Variants in PPP6R3 observed in about 807,000 individuals in gnomAD.
PPP6R3 encodes the protein serine/threonine-protein phosphatase 6 regulatory subunit 3.
In PPP6R3, 38 loss-of-function variants were observed where a neutral mutation model predicts 110.7. The ratio of observed to expected loss-of-function variants is 0.34; its 90% CI spans 0.26 to 0.45. The LOEUF (loss-of-function observed/expected upper bound fraction) is 0.45. Among genes scored for constraint, PPP6R3 ranks in the 20% least tolerant of loss-of-function variants. PPP6R3 has a pLI of 1.00. For missense variants in PPP6R3, 870 were observed against 1,062.4 expected (o/e 0.82, Z 2.52); for synonymous variants, 369 against 373.5 (o/e 0.99, Z 0.14).
intron 2 of PPP6R3, among the ~76,000 whole-genome samples, chr11:68,531,976 C>T (rs532215134): frequency 7.9e-5 from 12 of 152,212 alleles, no homozygotes; most frequent in African/African-American, 2.6e-4. Flanking sequence ...TAGTTGGACC[C>T]CTATTGAATA....
In PPP6R3 at chr11:68,478,560, G is replaced by A. The variant is rs542434170; in HGVS notation, c.-158+17733G>A. On this transcript the variant is annotated intron_variant, in intron 1 of 23. Transcript: ENST00000393800. ...TTTCAAGCTCTTTTGTGGCCTTAAC[G>A]TTTTAGGCGTGCCTTTTGAAAGCCA... 6.1e-5 allele frequency among the ~76,000 whole-genome samples: 9 copies of A among 147,362 alleles called. No homozygotes were observed. The South Asian group carries it at 1.1e-3, about 17-fold the overall frequency.
At chr11:68,465,102 G>A (rs992232952) in intron 1 of PPP6R3, among the ~76,000 whole-genome samples, 8 of 152,054 alleles carry the variant, frequency 5.3e-5, no homozygotes, top group Non-Finnish European at 7.4e-5. Flanking sequence ...GGCTGGTCCC[G>A]ATCTCCTGAC....
At chr11:68,493,608 A>AC (rs1565396355) in intron 1 of PPP6R3, among the ~76,000 whole-genome samples, 1 of 117,134 alleles carries the variant, frequency 8.5e-6, no homozygotes, top group East Asian at 2.2e-4. Flanking sequence ...AAAAAAAAAA[A>AC]ACAAAACCAT....
intron 1 of PPP6R3, among the ~76,000 whole-genome samples, chr11:68,508,021 CAT>C (rs1272897433): frequency 1.4e-5 from 2 of 142,524 alleles, no homozygotes; most frequent in Non-Finnish European, 3.0e-5. Context: ...GCCTGGGCAA[CAT>C]AGCAACACCT....
intron 1 of PPP6R3, among the ~76,000 whole-genome samples, chr11:68,494,142 T>A (rs1367884186): frequency 6.7e-6 from 1 of 150,124 alleles, no homozygotes; most frequent in Non-Finnish European, 1.5e-5. Context: ...GATAATTAGA[T>A]TTTTTTTGTA....
intron 5 of PPP6R3, 54 bp downstream of exon 5, chr11:68,548,258 C>T: frequency 6.3e-7 from 1 of 1,597,928 alleles, no homozygotes; most frequent in Non-Finnish European, 8.5e-7. Flanking sequence ...GGCATGTGAG[C>T]CCACCAGGCT....
chr11:68,587,693 AGT>A (rs2099583158), intron 15 of PPP6R3: 1 of 584,850 alleles, frequency 1.7e-6, no homozygotes, highest in Non-Finnish European at 3.1e-6. Flanking sequence ...GTGGTCACAT[AGT>A]GTTTCTTACA....
chr11:68,486,558 T>C (rs2098948626), intron 1 of PPP6R3, among the ~76,000 whole-genome samples: 1 of 137,076 alleles, frequency 7.3e-6, no homozygotes, highest in African/African-American at 2.8e-5. Context: ...TGAGCTGAGA[T>C]CACGCCCTGC....
At chr11:68,496,166 G>GTT (rs1338930112) in intron 1 of PPP6R3, among the ~76,000 whole-genome samples, 1 of 147,458 alleles carries the variant, frequency 6.8e-6, no homozygotes, top group Non-Finnish European at 1.5e-5. Context: ...ATTTTTTTGT[G>GTT]TTTTTCTTTT....
intron 2 of PPP6R3, among the ~76,000 whole-genome samples, chr11:68,533,961 C>T (rs533509092): frequency 1.3e-5 from 2 of 152,222 alleles, no homozygotes; most frequent in South Asian, 4.1e-4. Flanking sequence ...GGCTTTCTTC[C>T]ATATAGTGAT....
chr11:68,539,453 G>T (rs779811684), intron 3 of PPP6R3, among the ~76,000 whole-genome samples: 2 of 152,198 alleles, frequency 1.3e-5, no homozygotes, highest in Non-Finnish European at 2.9e-5. Context: ...TGCCTTTGAG[G>T]TTGCAAGAGC....
chr11:68,476,542 A>G (rs2098834125), intron 1 of PPP6R3, among the ~76,000 whole-genome samples: 1 of 152,230 alleles, frequency 6.6e-6, no homozygotes, highest in Non-Finnish European at 1.5e-5. Context: ...CTTTTTATAT[A>G]CTTATATGTA....
intron 14 of PPP6R3, among the ~76,000 whole-genome samples, chr11:68,582,038 G>T (rs966267061): frequency 6.6e-6 from 1 of 152,162 alleles, no homozygotes; most frequent in Non-Finnish European, 1.5e-5. Flanking sequence ...TCTACTGTGG[G>T]TTTATTGAAC....
intron 1 of PPP6R3, among the ~76,000 whole-genome samples, chr11:68,490,567 A>G (rs144079615): frequency 6.6e-6 from 1 of 151,632 alleles, no homozygotes; most frequent in African/African-American, 2.4e-5. Context: ...TTTTTTCCAG[A>G]TATTACCATC....
chr11:68,527,334 T>G (rs1372804735), intron 2 of PPP6R3, among the ~76,000 whole-genome samples: 1 of 152,182 alleles, frequency 6.6e-6, no homozygotes. Flanking sequence ...GTCTTTCACA[T>G]TGTTGACAGT....
chr11:68,468,140 A>G (rs2098761784), intron 1 of PPP6R3, among the ~76,000 whole-genome samples: 1 of 152,230 alleles, frequency 6.6e-6, no homozygotes, highest in Non-Finnish European at 1.5e-5. Context: ...GAGAAATCTC[A>G]GCCCCGGTGA....
At chr11:68,570,381 G>T (rs1158617958) in intron 11 of PPP6R3, among the ~76,000 whole-genome samples, 2 of 152,026 alleles carry the variant, frequency 1.3e-5, no homozygotes, top group African/African-American at 4.8e-5. Context: ...ATTTTTTCTT[G>T]CTTGGTAGTT....
intron 8 of PPP6R3, among the ~76,000 whole-genome samples, chr11:68,562,032 A>G (rs1257141537): frequency 7.1e-6 from 1 of 140,922 alleles, no homozygotes; most frequent in Non-Finnish European, 1.6e-5. Context: ...GTCTTTGTAG[A>G]ATATCCTAAA....
intron 15 of PPP6R3, chr11:68,587,305 A>T (rs976695715): frequency 6.6e-6 from 1 of 152,398 alleles, no homozygotes; most frequent in African/African-American, 2.4e-5. Flanking sequence ...GTGATTTTGG[A>T]TAAATAGTCA....
Sources: gnomAD v4.1 joint callset for allele counts (sites outside exome capture counted in the v4.1 genomes callset) on GRCh38, gnomAD v4.1.1 for gene constraint, MANE v1.5 for transcripts, NCBI Gene and HGNC (gene_info 2026-07-23, HGNC 2026-07-21) for gene names.